The following STK32B variants were observed in gnomAD, a reference collection of about 807,000 sequenced individuals.
The protein encoded by STK32B is serine/threonine kinase 32B.
A neutral mutation model predicts 52.6 loss-of-function variants in STK32B; 43 were observed. The observed-to-expected ratio is 0.82, with a 90% CI of 0.64 to 1.05. STK32B has a LOEUF of 1.05. STK32B is among the 50% of genes least tolerant of loss of function. The probability of loss-of-function intolerance (pLI) is 0.00; values close to 1 mark genes in which losing one functional copy is unlikely to be tolerated. For synonymous variants in STK32B, 238 were observed against 204.3 expected (o/e 1.17, Z -1.41); for missense variants, 621 against 534.6 (o/e 1.16, Z -1.59).
chr4:5,396,978 G>A lies in STK32B; in HGVS notation c.435-1229G>A, dbSNP rs988340557. The stretch of plus-strand genomic sequence containing the variant: ...TGTGACCTCGGCAGCAGGGGCCCAC[G>A]TACTCAATGCTCCTCGGTACTCATG... On this transcript the variant is annotated intron_variant, in intron 4 of 11. Coordinates refer to ENST00000282908, the MANE Select transcript of STK32B (RefSeq NM_018401.3). The surrounding 1 kb of genome is among the most constrained non-coding windows in gnomAD (Gnocchi z 4.7). Among the ~76,000 whole-genome samples, 7 of 152,158 alleles carry A rather than the reference G, an allele frequency of 4.6e-5. No individual in the cohort carries two copies. The highest frequency in any genetic ancestry group is 1.3e-4 in the Admixed American group (2 of 15,278).
At position 5,342,989 on chromosome 4, in the gene STK32B, GT is replaced by G. The variant is rs1186460138; in HGVS notation, c.434+11597del. ...TTATACTTTAAGTTTTAGGGTACAT[GT>G]GCACAACATGCAGGTTTGTTACATA... On this transcript the variant is annotated intron_variant, in intron 4 of 11. Coordinates refer to ENST00000282908, the MANE Select transcript of STK32B (RefSeq NM_018401.3). 2.0e-5 allele frequency among the ~76,000 whole-genome samples: 3 copies of G among 151,974 alleles called. No individual in the cohort carries two copies. In the East Asian group the frequency reaches 5.8e-4, roughly 29 times the overall value.
intron 1 of STK32B, among the ~76,000 whole-genome samples, chr4:5,136,582 G>T (rs1460668544): frequency 6.6e-6 from 1 of 152,122 alleles, no homozygotes; most frequent in Admixed American, 6.5e-5. Flanking sequence ...CTAAAACCAG[G>T]AAGATTCCAA....
At chr4:5,288,363 C>T (rs1211375782) in intron 3 of STK32B, among the ~76,000 whole-genome samples, 1 of 152,084 alleles carries the variant, frequency 6.6e-6, no homozygotes, top group African/African-American at 2.4e-5. Context: ...GTCCCATCAG[C>T]GATGCATGGA....
At chr4:5,391,297 T>TA (rs1736583088) in intron 4 of STK32B, among the ~76,000 whole-genome samples, 1 of 152,146 alleles carries the variant, frequency 6.6e-6, no homozygotes, top group Admixed American at 6.5e-5. Context: ...AGTCACTGGA[T>TA]TTAGGGCTCA....
In STK32B at chr4:5,438,193, C is replaced by G. The variant is rs952008979; in HGVS notation, c.563-8480C>G. On this transcript the variant is annotated intron_variant, in intron 6 of 11. Coordinates refer to ENST00000282908, the MANE Select transcript of STK32B (RefSeq NM_018401.3). ...GAAGGGACTCCTTTTCTCTCAAGCC[C>G]TCAGGACTGAGAAGAGGAACAGGCA... 7 of 924,772 alleles carry G rather than the reference C, an allele frequency of 7.6e-6. No homozygotes were observed. The African/African-American group carries it at 1.2e-4, about 16-fold the overall frequency. The allele number at this position is 924,772 out of a possible 1,614,324, so 57.3% of individuals were successfully genotyped here. A position where few individuals can be genotyped will look rare whatever the true frequency, so the allele number is the denominator to read the frequency against.
intron 3 of STK32B, among the ~76,000 whole-genome samples, chr4:5,177,812 G>A (rs1378182139): frequency 6.6e-6 from 1 of 152,200 alleles, no homozygotes; most frequent in African/African-American, 2.4e-5. Context: ...GATCTCCTTT[G>A]ACTTCATGCC....
At chr4:5,479,795 T>C (rs1174313929) in intron 11 of STK32B, among the ~76,000 whole-genome samples, 1 of 152,210 alleles carries the variant, frequency 6.6e-6, no homozygotes, top group East Asian at 1.9e-4. Flanking sequence ...CAATTTGGTA[T>C]GTGTCCTCCC....
At chr4:5,061,112 A>G (rs1742200170) in intron 1 of STK32B, among the ~76,000 whole-genome samples, 1 of 152,188 alleles carries the variant, frequency 6.6e-6, no homozygotes, top group African/African-American at 2.4e-5. Context: ...TACATTATCA[A>G]ACTCAAATTG....
At chr4:5,203,457 C>A (rs1722315321) in intron 3 of STK32B, among the ~76,000 whole-genome samples, 1 of 152,132 alleles carries the variant, frequency 6.6e-6, no homozygotes, top group Admixed American at 6.5e-5. Context: ...AGCTGACCAC[C>A]CATTTCCTGG....
At chr4:5,339,600 C>G (rs1181552203) in intron 4 of STK32B, among the ~76,000 whole-genome samples, 1 of 152,098 alleles carries the variant, frequency 6.6e-6, no homozygotes, top group African/African-American at 2.4e-5. Context: ...GTATTTATAC[C>G]CTCAGATGAG....
chr4:5,298,838 CA>C lies in STK32B; in HGVS notation c.261-32369del, dbSNP rs35531404. 7.4e-3 allele frequency among the ~76,000 whole-genome samples: 997 copies of C among 135,468 alleles called. 6 individuals are homozygous for C. Among genetic ancestry groups the C allele is most frequent in the African/African-American group, 0.019 (710 of 37,940 alleles). The allele number at this position is 135,468 out of a possible 152,430, so 88.9% of individuals were successfully genotyped here. A position where few individuals can be genotyped will look rare whatever the true frequency, so the allele number is the denominator to read the frequency against. On this transcript the variant is annotated intron_variant, in intron 3 of 11. Transcript: ENST00000282908. The stretch of plus-strand genomic sequence containing the variant: ...GGGTTCCAGGTGCCACTGGGGTATG[CA>C]AAAAAAAAAAAACTCCTGCAGCTAG...
At chr4:5,239,212 G>A (rs963007932) in intron 3 of STK32B, among the ~76,000 whole-genome samples, 11 of 152,086 alleles carry the variant, frequency 7.2e-5, no homozygotes, top group African/African-American at 2.4e-4. Flanking sequence ...AGGTGTTTGG[G>A]TTTCATTCTG....
At chr4:5,437,330 C>T (rs1208833325) in intron 6 of STK32B, among the ~76,000 whole-genome samples, 1 of 152,232 alleles carries the variant, frequency 6.6e-6, no homozygotes, top group Non-Finnish European at 1.5e-5. Flanking sequence ...GCCAGCAGGG[C>T]CATGTGCCCT....
chr4:5,054,436 T>C (rs1741919466), intron 1 of STK32B, among the ~76,000 whole-genome samples: 1 of 141,170 alleles, frequency 7.1e-6, no homozygotes, highest in Admixed American at 7.6e-5. Flanking sequence ...AAGTGGGTGA[T>C]AGAAGGGGGA....
chr4:5,480,953 G>A (rs374841786), intron 11 of STK32B, among the ~76,000 whole-genome samples: 3 of 152,114 alleles, frequency 2.0e-5, no homozygotes, highest in Admixed American at 1.3e-4. Context: ...TGGTGTATAT[G>A]TGCCACATTC....
chr4:5,399,888 C>T lies in STK32B; in HGVS notation c.472+1644C>T, dbSNP rs1386988996. Among the ~76,000 whole-genome samples, 1 of 152,134 alleles carries T rather than the reference C, an allele frequency of 6.6e-6. No individual in the cohort carries two copies. Among genetic ancestry groups the T allele is most frequent in the Non-Finnish European group, 1.5e-5 (1 of 68,018 alleles). On this transcript the variant is annotated intron_variant, in intron 5 of 11. Coordinates refer to ENST00000282908, the MANE Select transcript of STK32B (RefSeq NM_018401.3). The surrounding 1 kb of genome is among the most constrained non-coding windows in gnomAD (Gnocchi z 5.4). ...TGCTCAGGGCCAGGCAAGGTCAAAT[C>T]ACAGAAGCAGGGTAAAGAGGTGAGA... is the stretch of plus-strand genomic sequence containing the variant.
intron 3 of STK32B, among the ~76,000 whole-genome samples, chr4:5,179,064 C>T (rs1416434484): frequency 1.3e-5 from 2 of 152,230 alleles, no homozygotes; most frequent in African/African-American, 4.8e-5. Context: ...TTTATAAAGA[C>T]AAGAGGTTTA....
chr4:5,211,354 A>G lies in STK32B; in HGVS notation c.260+42904A>G, dbSNP rs1373163591. On this transcript the variant is annotated intron_variant, in intron 3 of 11. Coordinates refer to ENST00000282908, the MANE Select transcript of STK32B (RefSeq NM_018401.3). ...AAAGATTTGTAATTCTGGGAGAGAG[A>G]AATAGGGAAAGAGTGGGATCTTGAG... 2.0e-5 allele frequency among the ~76,000 whole-genome samples: 3 copies of G among 152,136 alleles called. 1 individual carries two copies. The highest frequency in any genetic ancestry group is 2.0e-4 in the Admixed American group (3 of 15,260).
chr4:5,053,961 A>G (rs1302695402), intron 1 of STK32B, among the ~76,000 whole-genome samples: 3 of 152,096 alleles, frequency 2.0e-5, no homozygotes, highest in African/African-American at 7.2e-5. Context: ...CCTGGGCACC[A>G]AGAGTGAAGC....
Sources: allele counts gnomAD v4.1 joint callset (sites outside exome capture counted in the v4.1 genomes callset), GRCh38; gene constraint gnomAD v4.1.1; non-coding constraint Gnocchi (gnomAD v3.1); transcripts MANE v1.5; gene names NCBI Gene and HGNC (gene_info 2026-07-23, HGNC 2026-07-21).